Variants in TENM3 observed in about 807,000 individuals in gnomAD.
TENM3 encodes teneurin transmembrane protein 3.
TENM3 carries 63 observed loss-of-function variants against 255.1 expected under a neutral mutation model. That is an observed-to-expected ratio of 0.25 (90% CI 0.20 to 0.30). The LOEUF is 0.30. Among genes scored for constraint, TENM3 ranks in the 10% least tolerant of loss-of-function variants. TENM3 has a pLI of 1.00. For missense variants in TENM3, 2,929 were observed against 3,461.1 expected (o/e 0.85, Z 3.86); for synonymous variants, 1,306 against 1,322.3 (o/e 0.99, Z 0.27).
intron 4 of TENM3, among the ~76,000 whole-genome samples, chr4:182,613,376 T>C (rs1193882719): frequency 1.3e-5 from 2 of 152,150 alleles, no homozygotes; most frequent in African/African-American, 4.8e-5. Context: ...CTAAAAATAT[T>C]TTTTTGTATA....
chr4:181,467,123 A>ATT, the TENM3 span, among the ~76,000 whole-genome samples: 2 of 17,976 alleles, frequency 1.1e-4, no homozygotes, highest in East Asian at 8.2e-4. Flanking sequence ...ATATATATAT[A>ATT]TATTTTTTTT....
intron 1 of TENM3, among the ~76,000 whole-genome samples, chr4:182,167,792 G>C (rs1275709915): frequency 6.6e-6 from 1 of 152,080 alleles, no homozygotes; most frequent in African/African-American, 2.4e-5. Flanking sequence ...GTCTGAGGTG[G>C]GAGAATCACT....
the TENM3 span, among the ~76,000 whole-genome samples, chr4:182,081,325 C>A: frequency 6.6e-6 from 1 of 152,004 alleles, no homozygotes; most frequent in Admixed American, 6.6e-5. Context: ...ACCTGTCACA[C>A]CTGTAATCCC....
At chr4:182,359,340 A>G (rs1328345354) in intron 3 of TENM3, among the ~76,000 whole-genome samples, 3 of 151,920 alleles carry the variant, frequency 2.0e-5, no homozygotes, top group Non-Finnish European at 4.4e-5. Flanking sequence ...CTGTGAATCC[A>G]TCTGGTCCTG....
intron 4 of TENM3, among the ~76,000 whole-genome samples, chr4:182,606,803 C>T (rs1748484792): frequency 6.6e-6 from 1 of 152,262 alleles, no homozygotes; most frequent in East Asian, 1.9e-4. Flanking sequence ...GTGGGCGTCA[C>T]GCCAATAATT....
chr4:182,519,917 G>A (rs1283990841), intron 3 of TENM3, among the ~76,000 whole-genome samples: 1 of 152,068 alleles, frequency 6.6e-6, no homozygotes, highest in Non-Finnish European at 1.5e-5. Flanking sequence ...AAATTTCTAA[G>A]TGAATGGCTA....
chr4:182,035,496 G>T, the TENM3 span, among the ~76,000 whole-genome samples: 1 of 152,114 alleles, frequency 6.6e-6, no homozygotes, highest in Non-Finnish European at 1.5e-5. Flanking sequence ...TATGAAAACA[G>T]GAATTCTGGA....
the TENM3 span, among the ~76,000 whole-genome samples, chr4:181,670,257 TGAG>T: frequency 1.3e-5 from 2 of 152,056 alleles, no homozygotes; most frequent in South Asian, 2.1e-4. Context: ...ATTTGAAAAA[TGAG>T]GAGGTAAAAG....
At chr4:182,278,235 C>T (rs371555389) in intron 1 of TENM3, among the ~76,000 whole-genome samples, 23 of 151,968 alleles carry the variant, frequency 1.5e-4, no homozygotes, top group Middle Eastern at 3.2e-3. Flanking sequence ...GGTGTGGTGG[C>T]GCATGCCTGT....
At chr4:182,615,062 TATATGTA>T (rs1263454740) in intron 4 of TENM3, among the ~76,000 whole-genome samples, 3 of 124,738 alleles carry the variant, frequency 2.4e-5, no homozygotes, top group South Asian at 2.6e-4. Flanking sequence ...TATATATATA[TATATGTA>T]TTTTTTTTTT....
At chr4:181,476,032 G>A in the TENM3 span, among the ~76,000 whole-genome samples, 2 of 152,162 alleles carry the variant, frequency 1.3e-5, no homozygotes, top group Non-Finnish European at 2.9e-5. Flanking sequence ...GGGACATCCT[G>A]TAAAAACACC....
At chr4:181,850,370 C>T in the TENM3 span, among the ~76,000 whole-genome samples, 2 of 151,866 alleles carry the variant, frequency 1.3e-5, no homozygotes, top group African/African-American at 4.8e-5. Flanking sequence ...AAATTTGATA[C>T]ATTTTTGTAT....
At chr4:182,533,410 G>A (rs1397820732) in intron 3 of TENM3, among the ~76,000 whole-genome samples, 2 of 151,798 alleles carry the variant, frequency 1.3e-5, no homozygotes, top group African/African-American at 4.8e-5. Context: ...AATCAGCCAG[G>A]CATGGTGGTG....
chr4:182,535,209 C>T (rs1277715582), intron 3 of TENM3, among the ~76,000 whole-genome samples: 1 of 152,166 alleles, frequency 6.6e-6, no homozygotes, highest in African/African-American at 2.4e-5. Flanking sequence ...GAAATGTGTT[C>T]ATCTTTCCTA....
At chr4:181,834,227 C>T in the TENM3 span, among the ~76,000 whole-genome samples, 1 of 152,018 alleles carries the variant, frequency 6.6e-6, no homozygotes, top group Admixed American at 6.5e-5. Flanking sequence ...TTGAATGAAA[C>T]CTTTTATTCT....
chr4:181,618,712 G>T, the TENM3 span, among the ~76,000 whole-genome samples: 1 of 152,166 alleles, frequency 6.6e-6, no homozygotes, highest in Non-Finnish European at 1.5e-5. Context: ...GTGGTCTTTG[G>T]TCAGACTAGT....
chr4:182,714,046 A>C (rs769557085), intron 12 of TENM3, 41 bp from the exon 13 acceptor site: 1 of 1,594,572 alleles, frequency 6.3e-7, no homozygotes, highest in South Asian at 1.1e-5. Flanking sequence ...GCAAAAACTC[A>C]ATACTCAAAT....
chr4:182,199,720 C>CTTGTTTT (rs1754060582), intron 1 of TENM3, among the ~76,000 whole-genome samples: 1 of 104,854 alleles, frequency 9.5e-6, no homozygotes, highest in African/African-American at 3.8e-5. Context: ...AACATCATTG[C>CTTGTTTT]TTTTTTTTTT....
the TENM3 span, among the ~76,000 whole-genome samples, chr4:181,605,480 G>GAGAAAGAAAGAAAGAAAGAAAGAAAGAA: frequency 4.7e-5 from 3 of 63,964 alleles, no homozygotes; most frequent in Admixed American, 1.8e-4. Flanking sequence ...GAGAGAAACA[G>GAGAAAGAAAGAAAGAAAGAAAGAAAGAA]AGAAAGAAAG....
Sources: allele counts gnomAD v4.1 joint callset (sites outside exome capture counted in the v4.1 genomes callset), GRCh38; gene constraint gnomAD v4.1.1; transcripts MANE v1.5; gene names NCBI Gene and HGNC (gene_info 2026-07-23, HGNC 2026-07-21).